The following RPGRIP1L variants were observed in gnomAD, a reference collection of about 807,000 sequenced individuals.
The protein encoded by RPGRIP1L is protein fantom.
RPGRIP1L carries 131 observed loss-of-function variants against 160.4 expected under a neutral mutation model. That is an observed-to-expected ratio of 0.82 (90% CI 0.71 to 0.94). RPGRIP1L has a LOEUF of 0.94. RPGRIP1L is among the 40% of genes least tolerant of loss of function. RPGRIP1L has a pLI of 0.00. For missense variants in RPGRIP1L, 1,522 were observed against 1,535.8 expected (o/e 0.99, Z 0.15); for synonymous variants, 510 against 515.8 (o/e 0.99, Z 0.15).
In RPGRIP1L at chr16:53,636,474, T is replaced by C. The variant is rs748126198; in HGVS notation, c.3259A>G (p.Ile1087Val). 1 of 1,612,554 alleles carries C rather than the reference T, an allele frequency of 6.2e-7. No individual in the cohort carries two copies. Among genetic ancestry groups the C allele is most frequent in the South Asian group, 1.1e-5 (1 of 91,052 alleles). ...TTCTTGGAGATAGGACCTGGAATAA[T>C]ACAGTCATCACTGTCAGAAGCTGAC... Reference protein sequence around the residue: ...DMSASDSDDCIIPGPISKNIK... With the variant: ...DMSASDSDDCVIPGPISKNIK... The change falls in exon 22 of 27, where the codon ATT becomes GTT. Residue 1087 changes from isoleucine (I) to valine (V), a missense_variant. Transcript: ENST00000647211.
At position 53,648,903 on chromosome 16, in the gene RPGRIP1L, CATAA is replaced by C. The variant is rs1966765418; in HGVS notation, c.2304+57_2304+60del. The C allele has an allele frequency of 2.6e-5, 37 of 1,448,474 alleles. No individual in the cohort carries two copies. In the South Asian group the frequency reaches 4.3e-4, roughly 17 times the overall value. 89.7% of individuals were successfully genotyped at this position (1,448,474 alleles called of 1,614,324 possible). ...AATGATTTTAGTTTAAAGCACGACA[CATAA>C]ATAAATATTATAAAATTTCTATGTC... is the stretch of plus-strand genomic sequence containing the variant. On this transcript the variant is annotated intron_variant, in intron 16 of 26. Transcript: ENST00000647211.
At chr16:53,700,941 TATA>T (rs1971348120) in intron 1 of RPGRIP1L, among the ~76,000 whole-genome samples, 1 of 152,220 alleles carries the variant, frequency 6.6e-6, no homozygotes. Flanking sequence ...GTGTATTTCC[TATA>T]GTTTGCTTAG....
chr16:53,654,919 A>G (rs116282122), intron 14 of RPGRIP1L, among the ~76,000 whole-genome samples: 86 of 152,316 alleles, frequency 5.6e-4, no homozygotes, highest in African/African-American at 2.0e-3. Context: ...TCAGATAAAG[A>G]TATTTATTGA....
chr16:53,621,430 A>AT (rs10710732), intron 23 of RPGRIP1L, among the ~76,000 whole-genome samples: 2,143 of 135,054 alleles, frequency 0.016, 26 homozygotes, highest in African/African-American at 0.025. Flanking sequence ...TTTCTGGTCA[A>AT]TTTTTTTTTT....
intron 22 of RPGRIP1L, among the ~76,000 whole-genome samples, chr16:53,625,700 A>G (rs1168996842): frequency 2.6e-5 from 4 of 152,154 alleles, no homozygotes; most frequent in Admixed American, 2.0e-4. Context: ...GTCGAATAGA[A>G]AAGGGGGAAA....
rs761929062 is a variant in RPGRIP1L at position 53,600,753 on chromosome 16, G to A, written c.*1323C>T. ...TTCTTGCCATTAGCAGGCTTTGAAT[G>A]TTCACAAATAGGAGCAAAGAACTCA... On this transcript the variant is annotated 3_prime_UTR_variant, in exon 27 of 27. Coordinates refer to ENST00000647211, the MANE Select transcript of RPGRIP1L (RefSeq NM_015272.5). The A allele has an allele frequency of 9.8e-5, 15 of 152,380 alleles. No individual in the cohort carries two copies. Among genetic ancestry groups the A allele is most frequent in the Non-Finnish European group, 1.6e-4 (11 of 68,012 alleles). The allele number at this position is 152,380 out of a possible 1,614,324, so 9.4% of individuals were successfully genotyped here.
rs2151352094 is a variant in RPGRIP1L, at chr16:53,692,155, T to A, written c.440A>T (p.Gln147Leu). 1.9e-6 allele frequency: 3 copies of A among 1,614,204 alleles called. No individual in the cohort carries two copies. Among genetic ancestry groups the A allele is most frequent in the Middle Eastern group, 1.6e-4 (1 of 6,062 alleles). ...AGATTGTACATTATTGTATGGAGTT[T>A]GCCTGTAACCCTGGGTTTGAAGTTG... ...KQQLQTQGYR[Q>L]TPYNNVQSRI... Residue 147 changes from glutamine to leucine, a missense_variant, in exon 4 of 27, where the codon CAA (glutamine) becomes CTA (leucine). Transcript: ENST00000647211.
chr16:53,685,960 GC>G (rs1969978300), intron 6 of RPGRIP1L, among the ~76,000 whole-genome samples: 1 of 152,196 alleles, frequency 6.6e-6, no homozygotes, highest in African/African-American at 2.4e-5. Context: ...TCTTATCACA[GC>G]CAACAGATTG....
At chr16:53,692,431 G>C in intron 3 of RPGRIP1L, 67 bp from the exon 4 acceptor site, 2 of 1,452,256 alleles carry the variant, frequency 1.4e-6, no homozygotes, top group South Asian at 2.3e-5. Context: ...CTGTTGAAAG[G>C]AACATAATCA....
intron 22 of RPGRIP1L, among the ~76,000 whole-genome samples, chr16:53,631,034 A>C (rs1269928997): frequency 6.6e-6 from 1 of 152,158 alleles, no homozygotes. Flanking sequence ...CACCCGGCCA[A>C]GTAAAATATA....
At chr16:53,613,046 T>C (rs929736521) in intron 24 of RPGRIP1L, among the ~76,000 whole-genome samples, 3 of 152,204 alleles carry the variant, frequency 2.0e-5, no homozygotes, top group Non-Finnish European at 4.4e-5. Flanking sequence ...TTAGCATTGG[T>C]GTTCTCAAGA....
At chr16:53,624,261 T>A (rs1964925401) in intron 22 of RPGRIP1L, among the ~76,000 whole-genome samples, 1 of 152,114 alleles carries the variant, frequency 6.6e-6, no homozygotes, top group South Asian at 2.1e-4. Context: ...ATTTAAAAAA[T>A]ATTTATTATG....
intron 10 of RPGRIP1L, among the ~76,000 whole-genome samples, chr16:53,662,738 A>T (rs562305292): frequency 6.6e-5 from 10 of 152,226 alleles, no homozygotes; most frequent in African/African-American, 2.4e-4. Flanking sequence ...AAATCCTTAG[A>T]CTTGCAAATC....
intron 24 of RPGRIP1L, among the ~76,000 whole-genome samples, chr16:53,614,138 A>C (rs933579227): frequency 4.3e-4 from 65 of 152,248 alleles, no homozygotes; most frequent in Non-Finnish European, 1.5e-4. Context: ...AATTGCTTAG[A>C]TATACCTAGT....
chr16:53,654,194 G>GCCTCAAGTAAT (rs1967057620), intron 14 of RPGRIP1L, among the ~76,000 whole-genome samples: 1 of 152,120 alleles, frequency 6.6e-6, no homozygotes, highest in Non-Finnish European at 1.5e-5. Context: ...TGAACTCCTA[G>GCCTCAAGTAAT]CCTCAAGTAA....
intron 4 of RPGRIP1L, among the ~76,000 whole-genome samples, chr16:53,690,719 G>C (rs962195237): frequency 3.3e-5 from 5 of 152,234 alleles, no homozygotes; most frequent in Admixed American, 2.0e-4. Context: ...GTTCAGAGAG[G>C]ATAGGTCACT....
Position 53,603,591 on chromosome 16 carries a change from A to G in RPGRIP1L, c.3836-1403T>C, listed in dbSNP as rs1432843545. Among the ~76,000 whole-genome samples, 3 of 152,322 alleles carry G rather than the reference A, an allele frequency of 2.0e-5. No homozygotes were observed. In the East Asian group the frequency reaches 5.8e-4, roughly 29 times the overall value. Reference sequence around the variant, plus strand: ...AGCAGTCCACCTGCCTTGGTCTCCCAAAGTGCTGGGATTACAGGTGTAAGC... The same window carrying G: ...AGCAGTCCACCTGCCTTGGTCTCCCGAAGTGCTGGGATTACAGGTGTAAGC... On this transcript the variant is annotated intron_variant, in intron 26 of 26. Coordinates refer to ENST00000647211, the MANE Select transcript of RPGRIP1L (RefSeq NM_015272.5).
At position 53,619,185 on chromosome 16, in the gene RPGRIP1L, C is replaced by T; in HGVS notation, c.3456G>A (p.Glu1152=). The T allele has an allele frequency of 6.2e-7, 1 of 1,613,542 alleles. No homozygotes were observed. Among genetic ancestry groups the T allele is most frequent in the Non-Finnish European group, 8.5e-7 (1 of 1,179,994 alleles). ...AATCATTAAGGCTTAGAGCTATGAT[C>T]TCAATCCGAATTTTTTCTGATGGCT... ...HTQPSEKIRI[E]IIALSLNDSQ... Residue 1152 remains glutamate, a synonymous_variant, in exon 24 of 27, where the codon GAG becomes GAA. Transcript: ENST00000647211.
chr16:53,677,950 C>T (rs937203354), intron 6 of RPGRIP1L, among the ~76,000 whole-genome samples: 5 of 152,116 alleles, frequency 3.3e-5, no homozygotes, highest in African/African-American at 4.8e-5. Context: ...TTCAGACATT[C>T]GGATGAACTC....
Sources: allele counts gnomAD v4.1 joint callset (sites outside exome capture counted in the v4.1 genomes callset), GRCh38; gene constraint gnomAD v4.1.1; transcripts MANE v1.5; gene names NCBI Gene and HGNC (gene_info 2026-07-23, HGNC 2026-07-21).